Variants in EIF3H observed in about 807,000 individuals in gnomAD.
EIF3H encodes eIF-3-gamma.
EIF3H carries 26 observed loss-of-function variants against 44.2 expected under a neutral mutation model. That is an observed-to-expected ratio of 0.59 (90% CI 0.43 to 0.82). EIF3H has a LOEUF of 0.82. EIF3H is among the 40% of genes least tolerant of loss of function. The probability of loss-of-function intolerance (pLI) is 0.00; values close to 1 mark genes in which losing one functional copy is unlikely to be tolerated. For synonymous variants in EIF3H, 166 were observed against 151.9 expected (o/e 1.09, Z -0.68); for missense variants, 359 against 432.8 (o/e 0.83, Z 1.51).
At chr8:116,729,861 C>T (rs1814921329) in intron 1 of EIF3H, among the ~76,000 whole-genome samples, 1 of 152,128 alleles carries the variant, frequency 6.6e-6, no homozygotes, top group South Asian at 2.1e-4. Flanking sequence ...ACCTAAGAAC[C>T]ACAGGTGACA....
chr8:116,709,125 A>G (rs1325984773), intron 2 of EIF3H, among the ~76,000 whole-genome samples: 2 of 152,124 alleles, frequency 1.3e-5, no homozygotes, highest in Non-Finnish European at 2.9e-5. Context: ...CAAGCAGCCT[A>G]ATATAACCCA....
At chr8:116,752,720 GAAA>G (rs1563662984) in intron 1 of EIF3H, among the ~76,000 whole-genome samples, 3 of 122,888 alleles carry the variant, frequency 2.4e-5, no homozygotes, top group Non-Finnish European at 3.4e-5. Flanking sequence ...AAGAAAGAAA[GAAA>G]GAAAGAAAGA....
chr8:116,707,179 A>G (rs1814485958), intron 2 of EIF3H, among the ~76,000 whole-genome samples: 1 of 152,152 alleles, frequency 6.6e-6, no homozygotes, highest in Non-Finnish European at 1.5e-5. Flanking sequence ...TGTCTTTTGG[A>G]GCTTGACAGT....
intron 1 of EIF3H, among the ~76,000 whole-genome samples, chr8:116,745,135 T>C (rs1225536147): frequency 6.6e-6 from 1 of 152,262 alleles, no homozygotes; most frequent in African/African-American, 2.4e-5. Context: ...TAATGTTAAA[T>C]AGATATGTGA....
chr8:116,696,404 A>G (rs1470871528), intron 2 of EIF3H, among the ~76,000 whole-genome samples: 2 of 152,232 alleles, frequency 1.3e-5, no homozygotes. Flanking sequence ...ACTAAATTGA[A>G]AATTATATAG....
At chr8:116,709,311 G>C (rs1002652803) in intron 2 of EIF3H, among the ~76,000 whole-genome samples, 1 of 152,032 alleles carries the variant, frequency 6.6e-6, no homozygotes, top group African/African-American at 2.4e-5. Context: ...AAAAGGAGCA[G>C]GTCTTATTTT....
At chr8:116,653,691 A>C (rs963142079) in intron 5 of EIF3H, among the ~76,000 whole-genome samples, 5 of 152,190 alleles carry the variant, frequency 3.3e-5, no homozygotes, top group African/African-American at 1.2e-4. Context: ...GGAAATAAAA[A>C]CAGAATTGTT....
intron 1 of EIF3H, among the ~76,000 whole-genome samples, chr8:116,761,950 T>C (rs182061596): frequency 6.6e-6 from 1 of 152,346 alleles, no homozygotes; most frequent in East Asian, 1.9e-4. Context: ...ACAGGAGATA[T>C]ATCCCACTGA....
chr8:116,763,811 G>A (rs1435538720), intron 1 of EIF3H, among the ~76,000 whole-genome samples: 2 of 152,070 alleles, frequency 1.3e-5, no homozygotes, highest in Non-Finnish European at 1.5e-5. Context: ...TAACATTTAC[G>A]AAATTAAACA....
chr8:116,704,868 G>T (rs548164722), intron 2 of EIF3H, among the ~76,000 whole-genome samples: 2 of 152,128 alleles, frequency 1.3e-5, no homozygotes, highest in South Asian at 4.2e-4. Flanking sequence ...TAATTTCATA[G>T]ATTGTATGCA....
intron 5 of EIF3H, among the ~76,000 whole-genome samples, chr8:116,654,044 T>C (rs553939646): frequency 3.0e-4 from 45 of 152,340 alleles, no homozygotes; most frequent in African/African-American, 1.1e-3. Flanking sequence ...AATTGAGATG[T>C]ACAAAACTTA....
chr8:116,727,638 G>A lies in EIF3H; in HGVS notation c.133-1466C>T, dbSNP rs148262027. ...GTCAGCTTAACATTCCATAGTTGGG[G>A]GGTTAGTTTTTATATCCTGTAATAC... is the stretch of plus-strand genomic sequence containing the variant. On this transcript the variant is annotated intron_variant, in intron 1 of 7. Transcript: ENST00000521861. 2.9e-3 allele frequency among the ~76,000 whole-genome samples: 441 copies of A among 152,280 alleles called. 1 individual carries two copies. Among genetic ancestry groups the A allele is most frequent in the Non-Finnish European group, 4.9e-3 (336 of 68,020 alleles).
In EIF3H at chr8:116,755,521, G is replaced by T. The variant is rs1002249370; in HGVS notation, c.132+145C>A. The T allele has an allele frequency of 8.3e-5, 89 of 1,072,368 alleles. No individual in the cohort carries two copies. In the African/African-American group the frequency reaches 1.4e-3, roughly 17 times the overall value. The allele number at this position is 1,072,368 out of a possible 1,614,324, so 66.4% of individuals were successfully genotyped here. A position where few individuals can be genotyped will look rare whatever the true frequency, so the allele number is the denominator to read the frequency against. ...CTGTCGAAGCTCCTGAACAAAAAGT[G>T]AAGATGAAAGAGAAACGTACTAGGG... On this transcript the variant is annotated intron_variant, in intron 1 of 7. Transcript: ENST00000521861.
intron 2 of EIF3H, among the ~76,000 whole-genome samples, chr8:116,670,267 C>T (rs1029293885): frequency 1.3e-5 from 2 of 152,242 alleles, no homozygotes; most frequent in Admixed American, 6.5e-5. Flanking sequence ...GGAACTCCCA[C>T]TGCCTCACAA....
chr8:116,755,539 T>C (rs1364619032), intron 1 of EIF3H, 127 bp downstream of exon 1: 6 of 1,248,726 alleles, frequency 4.8e-6, no homozygotes. Flanking sequence ...AAGAGAAACG[T>C]ACTAGGGAAA....
At chr8:116,752,422 A>G (rs1254729212) in intron 1 of EIF3H, among the ~76,000 whole-genome samples, 1 of 152,078 alleles carries the variant, frequency 6.6e-6, no homozygotes, top group African/African-American at 2.4e-5. Flanking sequence ...ACGATGACAC[A>G]GGTACTATAC....
Position 116,731,989 on chromosome 8 carries a change from G to T in EIF3H, c.133-5817C>A, listed in dbSNP as rs149709778. On this transcript the variant is annotated intron_variant, in intron 1 of 7. Transcript: ENST00000521861. ...GTATTGTTCTCTGATTAGGTCAGTT[G>T]TCTCTCAAACTGTTTCCCAGATTTC... Among the ~76,000 whole-genome samples the T allele has an allele frequency of 4.3e-3, 648 of 152,254 alleles. 7 individuals carry two copies. Among genetic ancestry groups the T allele is most frequent in the African/African-American group, 0.015 (610 of 41,542 alleles).
chr8:116,688,195 T>C (rs1426856515), intron 2 of EIF3H, among the ~76,000 whole-genome samples: 3 of 152,132 alleles, frequency 2.0e-5, no homozygotes, highest in African/African-American at 7.2e-5. Flanking sequence ...GTGAAATACC[T>C]TCTACAGAAT....
intron 1 of EIF3H, among the ~76,000 whole-genome samples, chr8:116,745,925 G>GA (rs768289970): frequency 5.6e-4 from 77 of 137,232 alleles, no homozygotes; most frequent in African/African-American, 1.0e-3. Context: ...TGTCTCAAAG[G>GA]AAAAAAAAAA....
Sources: allele counts gnomAD v4.1 joint callset (sites outside exome capture counted in the v4.1 genomes callset), GRCh38; gene constraint gnomAD v4.1.1; transcripts MANE v1.5; gene names NCBI Gene and HGNC (gene_info 2026-07-23, HGNC 2026-07-21).